The following GOLGB1 variants were observed in gnomAD, a reference collection of about 807,000 sequenced individuals.
GOLGB1 encodes golgin subfamily B member 1.
Under a neutral mutation model 336.9 loss-of-function variants are expected in GOLGB1, and 174 were observed. The ratio of observed to expected loss-of-function variants is 0.52; its 90% CI spans 0.46 to 0.59. The LOEUF (loss-of-function observed/expected upper bound fraction) is 0.59, where lower values mean the gene tolerates loss of function less well. GOLGB1 is among the 20% of genes least tolerant of loss of function. The probability of loss-of-function intolerance (pLI) is 0.00; values close to 1 mark genes in which losing one functional copy is unlikely to be tolerated. For missense variants in GOLGB1, 3,331 were observed against 3,645.3 expected, an observed-to-expected ratio of 0.91 and a Z score of 2.22; for synonymous variants, 1,208 against 1,289.2, an observed-to-expected ratio of 0.94 and a Z score of 1.35.
chr3:121,680,768 C>T (rs1940976788), intron 15 of GOLGB1, among the ~76,000 whole-genome samples: 2 of 152,104 alleles, frequency 1.3e-5, no homozygotes, highest in South Asian at 2.1e-4. Flanking sequence ...GAATGCATAC[C>T]TATAATATAT....
At chr3:121,669,115 A>G (rs1310293287) in intron 18 of GOLGB1, 97 bp downstream of exon 18, 8 of 1,200,986 alleles carry the variant, frequency 6.7e-6, no homozygotes, top group Non-Finnish European at 9.5e-6. Context: ...CCTGACCCCT[A>G]ATTACATTAA....
rs1325629164 is a variant in GOLGB1, at chr3:121,718,515, AT to A, written c.772-15del. The A allele has an allele frequency of 1.3e-6, 2 of 1,504,164 alleles. No individual in the cohort carries two copies. Among genetic ancestry groups the A allele is most frequent in the African/African-American group, 1.4e-5 (1 of 72,780 alleles). The allele number at this position is 1,504,164 out of a possible 1,614,324, so 93.2% of individuals were successfully genotyped here. ...CACCCTCAATTTCTGAGAAGAAAAC[AT>A]TTTAGACATAATATGCTAACAAATG... On this transcript the variant is annotated splice_polypyrimidine_tract_variant and intron_variant, in intron 7 of 21. Coordinates refer to ENST00000614479, the MANE Select transcript of GOLGB1 (RefSeq NM_001366282.2).
At chr3:121,690,376 T>C (rs1296640807) in intron 14 of GOLGB1, among the ~76,000 whole-genome samples, 8 of 152,240 alleles carry the variant, frequency 5.3e-5, no homozygotes, top group Admixed American at 5.2e-4. Flanking sequence ...CATGTCTTTG[T>C]GTATATAAAA....
At chr3:121,727,289 C>T (rs1167125535) in intron 4 of GOLGB1, among the ~76,000 whole-genome samples, 15 of 44,350 alleles carry the variant, frequency 3.4e-4, no homozygotes, top group Admixed American at 1.7e-3. Flanking sequence ...CATACACACA[C>T]ACACATATAT....
At chr3:121,731,289 C>T (rs1342744283) in intron 1 of GOLGB1, among the ~76,000 whole-genome samples, 1 of 152,112 alleles carries the variant, frequency 6.6e-6, no homozygotes, top group Non-Finnish European at 1.5e-5. Context: ...GTTAAATACA[C>T]CTTAAAGGTA....
intron 14 of GOLGB1, 136 bp from the exon 15 acceptor site, chr3:121,682,001 A>C: frequency 4.7e-6 from 3 of 639,832 alleles, no homozygotes; most frequent in Non-Finnish European, 8.2e-6. Context: ...ATGACATATC[A>C]CTGCAACATA....
chr3:121,736,897 C>T (rs1227455723), intron 1 of GOLGB1, among the ~76,000 whole-genome samples: 3 of 151,162 alleles, frequency 2.0e-5, no homozygotes, highest in Admixed American at 1.3e-4. Flanking sequence ...GAGTGAGACC[C>T]TGCCTCTAAA....
At chr3:121,715,349 T>A (rs929542613) in intron 9 of GOLGB1, among the ~76,000 whole-genome samples, 13 of 151,240 alleles carry the variant, frequency 8.6e-5, no homozygotes, top group Non-Finnish European at 8.8e-5. Context: ...ATTACAGGCA[T>A]GCGTCACCAT....
chr3:121,748,973 C>G (rs935927778), intron 1 of GOLGB1: 1 of 970,028 alleles, frequency 1.0e-6, no homozygotes, highest in Admixed American at 6.2e-5. Flanking sequence ...CTCGAGAACT[C>G]TCTTAGAGGT....
intron 10 of GOLGB1, among the ~76,000 whole-genome samples, chr3:121,703,729 C>T (rs982366862): frequency 6.6e-6 from 1 of 152,000 alleles, no homozygotes; most frequent in African/African-American, 2.4e-5. Context: ...ACACGACATC[C>T]AGAATTCAAA....
rs150108711 is a variant in GOLGB1 at position 121,692,049 on chromosome 3, C to A, written c.7315G>T (p.Ala2439Ser). ...NIVLEEENKKAVDKTNQLMET... is the reference protein window; with the variant it reads ...NIVLEEENKKSVDKTNQLMET... ...ATAAGCTGATTGGTTTTATCAACAG[C>A]CTTTTTGTTCTCCTCTTCTAAAACA... Residue 2439 changes from alanine (A) to serine (S), a missense_variant, in exon 14 of 22, where the codon GCT (alanine) becomes TCT (serine). Coordinates refer to ENST00000614479, the MANE Select transcript of GOLGB1 (RefSeq NM_001366282.2). 1 of 1,612,616 alleles carries A rather than the reference C, an allele frequency of 6.2e-7. No individual in the cohort carries two copies. Among genetic ancestry groups the A allele is most frequent in the East Asian group, 2.2e-5 (1 of 44,870 alleles).
At chr3:121,714,366 G>C (rs1944594073) in intron 10 of GOLGB1, among the ~76,000 whole-genome samples, 1 of 152,150 alleles carries the variant, frequency 6.6e-6, no homozygotes, top group Non-Finnish European at 1.5e-5. Flanking sequence ...GATTTTTGTA[G>C]ATGAAAGAAA....
chr3:121,720,561 A>G (rs2108170221), intron 6 of GOLGB1, among the ~76,000 whole-genome samples: 1 of 152,286 alleles, frequency 6.6e-6, no homozygotes, highest in South Asian at 2.1e-4. Context: ...TTTACTGCTG[A>G]TATCTCAGTT....
Position 121,726,904 on chromosome 3 carries a change from C to T in GOLGB1, c.531+9G>A. 1 of 1,564,218 alleles carries T rather than the reference C, an allele frequency of 6.4e-7. No homozygotes were observed. The highest frequency in any genetic ancestry group is 8.7e-7 in the Non-Finnish European group (1 of 1,155,190). ...AACCTAATGATTATGAAGTAACTTC[C>T]ACCCCTACCTGTGCAGGTTGTTCTG... On this transcript the variant is annotated intron_variant, in intron 5 of 21. Transcript: ENST00000614479.
chr3:121,683,399 A>G (rs1397829985), intron 14 of GOLGB1, among the ~76,000 whole-genome samples: 1 of 152,094 alleles, frequency 6.6e-6, no homozygotes. Flanking sequence ...TCCCCTACTG[A>G]GCTTGAAGAG....
intron 10 of GOLGB1, 24 bp downstream of exon 10, chr3:121,714,833 TATTC>T (rs878879634): frequency 7.8e-7 from 1 of 1,274,016 alleles, no homozygotes; most frequent in South Asian, 1.2e-5. Flanking sequence ...AAACAGTTAA[TATTC>T]ATAAGAAGTT....
At chr3:121,680,906 T>C (rs1180176199) in intron 15 of GOLGB1, among the ~76,000 whole-genome samples, 1 of 152,208 alleles carries the variant, frequency 6.6e-6, no homozygotes, top group African/African-American at 2.4e-5. Flanking sequence ...TGTTCAGCCA[T>C]TATGCAAAGT....
chr3:121,723,091 C>T (rs1033975562), intron 5 of GOLGB1, among the ~76,000 whole-genome samples: 3 of 152,160 alleles, frequency 2.0e-5, no homozygotes, highest in South Asian at 2.1e-4. Context: ...GGTCTACAAA[C>T]GTATTGTATA....
intron 11 of GOLGB1, among the ~76,000 whole-genome samples, chr3:121,701,398 C>T (rs1006944711): frequency 3.3e-5 from 5 of 152,058 alleles, no homozygotes; most frequent in African/African-American, 1.2e-4. Context: ...TAGTGGGAAT[C>T]GTCTAATACA....
Sources: allele counts gnomAD v4.1 joint callset (sites outside exome capture counted in the v4.1 genomes callset), GRCh38; gene constraint gnomAD v4.1.1; transcripts MANE v1.5; gene names NCBI Gene and HGNC (gene_info 2026-07-23, HGNC 2026-07-21).